The following DCC variants were observed in gnomAD, a reference collection of about 807,000 sequenced individuals.
DCC encodes DCC netrin 1 receptor.
In DCC, 58 loss-of-function variants were observed where a neutral mutation model predicts 172.5. The ratio of observed to expected loss-of-function variants is 0.34; its 90% CI spans 0.27 to 0.42. The LOEUF (loss-of-function observed/expected upper bound fraction) is 0.42. Among genes scored for constraint, DCC ranks in the 10% least tolerant of loss-of-function variants. DCC has a pLI of 1.00. For missense variants in DCC, 1,740 were observed against 1,791.0 expected (o/e 0.97, Z 0.51); for synonymous variants, 709 against 644.5 (o/e 1.10, Z -1.52).
At chr18:52,922,712 G>C (rs2040144549) in intron 3 of DCC, among the ~76,000 whole-genome samples, 2 of 152,102 alleles carry the variant, frequency 1.3e-5, no homozygotes, top group South Asian at 4.1e-4. Context: ...AACAGGTCTG[G>C]TCAGAGGATG....
intron 8 of DCC, among the ~76,000 whole-genome samples, chr18:53,158,116 G>A (rs908612048): frequency 2.0e-5 from 3 of 146,560 alleles, no homozygotes; most frequent in Non-Finnish European, 4.5e-5. Flanking sequence ...ATGTCCCCAC[G>A]AAAATTAAAA....
At chr18:52,964,478 T>C (rs78640288) in intron 5 of DCC, among the ~76,000 whole-genome samples, 9,971 of 152,224 alleles carry the variant, frequency 0.066, 429 homozygotes, top group South Asian at 0.15. Flanking sequence ...TCAATTTTTT[T>C]TAAAGAATCA....
intron 1 of DCC, among the ~76,000 whole-genome samples, chr18:52,501,539 A>G (rs2031019419): frequency 6.6e-6 from 1 of 152,132 alleles, no homozygotes; most frequent in South Asian, 2.1e-4. Flanking sequence ...AGGGGGGAGA[A>G]GAGGGAATCA....
intron 5 of DCC, among the ~76,000 whole-genome samples, chr18:53,026,549 C>G (rs868054564): frequency 6.6e-6 from 1 of 151,956 alleles, no homozygotes; most frequent in Non-Finnish European, 1.5e-5. Context: ...CACAACCTGT[C>G]TTTAAATTTT....
At chr18:53,334,444 A>G (rs1033395674) in intron 14 of DCC, among the ~76,000 whole-genome samples, 1 of 152,134 alleles carries the variant, frequency 6.6e-6, no homozygotes, top group African/African-American at 2.4e-5. Flanking sequence ...TAAATTTACC[A>G]TCCTAACAAT....
At chr18:53,475,207 T>A (rs1048869134) in intron 25 of DCC, among the ~76,000 whole-genome samples, 35 of 152,094 alleles carry the variant, frequency 2.3e-4, no homozygotes, top group African/African-American at 7.0e-4. Context: ...ATTCAGAAAA[T>A]TTGCCCCCTG....
intron 1 of DCC, among the ~76,000 whole-genome samples, chr18:52,606,769 A>T (rs2034140357): frequency 6.6e-6 from 1 of 152,166 alleles, no homozygotes; most frequent in African/African-American, 2.4e-5. Flanking sequence ...TTGCAGATAG[A>T]TTATGAGAGT....
intron 1 of DCC, among the ~76,000 whole-genome samples, chr18:52,457,020 A>G (rs772439723): frequency 6.6e-6 from 1 of 151,992 alleles, no homozygotes; most frequent in African/African-American, 2.4e-5. Context: ...ATTATACTTC[A>G]CTTTATGGAA....
chr18:52,642,122 G>A (rs1040834999), intron 1 of DCC, among the ~76,000 whole-genome samples: 7 of 147,832 alleles, frequency 4.7e-5, no homozygotes, highest in Non-Finnish European at 5.9e-5. Context: ...ACACATATAC[G>A]ATGGAATACT....
intron 7 of DCC, among the ~76,000 whole-genome samples, chr18:53,099,930 C>CTTTCTTTTTTTTTTTTTTT (rs1568304400): frequency 2.2e-5 from 2 of 89,710 alleles, no homozygotes; most frequent in Non-Finnish European, 4.3e-5. Flanking sequence ...CTTTTCTTTT[C>CTTTCTTTTTTTTTTTTTTT]TTTTCTTTCT....
At chr18:53,517,257 A>G (rs1453625229) in intron 27 of DCC, among the ~76,000 whole-genome samples, 1 of 149,836 alleles carries the variant, frequency 6.7e-6, no homozygotes, top group Admixed American at 6.7e-5. Flanking sequence ...ATGAGAACCC[A>G]TGGACACAGG....
chr18:52,892,740 G>T (rs1218932975), intron 2 of DCC, among the ~76,000 whole-genome samples: 2 of 152,120 alleles, frequency 1.3e-5, no homozygotes, highest in Admixed American at 6.6e-5. Flanking sequence ...GATTTTTTCA[G>T]AGTCTCAGTA....
chr18:53,098,754 C>A (rs1310269446), intron 7 of DCC, among the ~76,000 whole-genome samples: 3 of 152,130 alleles, frequency 2.0e-5, no homozygotes, highest in Non-Finnish European at 4.4e-5. Context: ...CACATGTAAT[C>A]CAATCACTTT....
intron 14 of DCC, among the ~76,000 whole-genome samples, chr18:53,325,265 A>T (rs1226127352): frequency 2.6e-5 from 4 of 151,242 alleles, no homozygotes; most frequent in African/African-American, 9.7e-5. Context: ...AAAAGCCTCC[A>T]CTAATCCTGT....
intron 5 of DCC, among the ~76,000 whole-genome samples, chr18:53,005,329 C>T (rs2041628205): frequency 6.6e-6 from 1 of 152,160 alleles, no homozygotes; most frequent in Non-Finnish European, 1.5e-5. Context: ...ATCTTTTTCA[C>T]TTTATATTAT....
At position 52,890,431 on chromosome 18, in the gene DCC, T is replaced by C. The variant is rs555873808; in HGVS notation, c.413-15613T>C. 3.0e-4 allele frequency among the ~76,000 whole-genome samples: 46 copies of C among 152,244 alleles called. No individual in the cohort carries two copies. In the South Asian group the frequency reaches 9.3e-3, roughly 31 times the overall value. On this transcript the variant is annotated intron_variant, in intron 2 of 28. Coordinates refer to ENST00000442544, the MANE Select transcript of DCC (RefSeq NM_005215.4). Reference sequence around the variant, plus strand: ...ATAAAGAAATATAGGAAACAAGAATTCCTAGTAAATGATTTCATAAAACCG... The same window carrying C: ...ATAAAGAAATATAGGAAACAAGAATCCCTAGTAAATGATTTCATAAAACCG...
intron 2 of DCC, among the ~76,000 whole-genome samples, chr18:52,810,754 G>A (rs2038180868): frequency 2.0e-5 from 3 of 152,202 alleles, no homozygotes; most frequent in African/African-American, 7.2e-5. Flanking sequence ...GAAGGGTAGG[G>A]ATCAATCAGA....
chr18:52,983,716 T>C (rs1251902765), intron 5 of DCC, among the ~76,000 whole-genome samples: 1 of 152,200 alleles, frequency 6.6e-6, no homozygotes, highest in Admixed American at 6.6e-5. Context: ...TAGCTGGTTT[T>C]ATTAAAAGCA....
chr18:53,396,119 A>T (rs933031611), intron 17 of DCC, among the ~76,000 whole-genome samples: 1 of 152,046 alleles, frequency 6.6e-6, no homozygotes, highest in Non-Finnish European at 1.5e-5. Context: ...TAAAAAAAAA[A>T]AGATATCCCT....
Sources: allele counts gnomAD v4.1 joint callset (sites outside exome capture counted in the v4.1 genomes callset), GRCh38; gene constraint gnomAD v4.1.1; transcripts MANE v1.5; gene names NCBI Gene and HGNC (gene_info 2026-07-23, HGNC 2026-07-21).